STAC: variants seen among roughly 807,000 people sequenced by gnomAD.
STAC encodes the protein SH3 and cysteine-rich domain-containing protein.
In STAC, 43 loss-of-function variants were observed where a neutral mutation model predicts 48.8. That is an observed-to-expected ratio of 0.88 (90% confidence interval 0.69 to 1.14). The LOEUF (loss-of-function observed/expected upper bound fraction) is 1.14, where lower values mean the gene tolerates loss of function less well. Ranked by LOEUF, STAC falls within the 50% of genes most tolerant of loss-of-function variation. The pLI is 0.00. For synonymous variants in STAC, 193 were observed against 179.5 expected (o/e 1.07, Z -0.60); for missense variants, 497 against 504.0 (o/e 0.99, Z 0.13).
intron 4 of STAC, 26 bp downstream of exon 4, chr3:36,485,084 G>A (rs1268624637): frequency 6.3e-7 from 1 of 1,576,856 alleles, no homozygotes. Context: ...GATGGGTTGA[G>A]TTGAGTTTGA....
At chr3:36,396,875 C>T (rs1195095488) in intron 1 of STAC, among the ~76,000 whole-genome samples, 1 of 152,056 alleles carries the variant, frequency 6.6e-6, no homozygotes, top group Non-Finnish European at 1.5e-5. Context: ...CTGCTGTTCT[C>T]TCCTAGTTCT....
intron 2 of STAC, among the ~76,000 whole-genome samples, chr3:36,444,777 CT>C (rs1250577454): frequency 6.6e-6 from 1 of 151,740 alleles, no homozygotes; most frequent in African/African-American, 2.4e-5. Flanking sequence ...CTCTGGATTA[CT>C]GATCTTTTTT....
At chr3:36,415,380 C>A (rs1700296498) in intron 1 of STAC, among the ~76,000 whole-genome samples, 1 of 152,354 alleles carries the variant, frequency 6.6e-6, no homozygotes, top group African/African-American at 2.4e-5. Context: ...GGCGCCCCTC[C>A]CCCAGCCTCG....
intron 2 of STAC, among the ~76,000 whole-genome samples, chr3:36,458,693 T>C (rs1379300307): frequency 2.0e-5 from 3 of 152,190 alleles, no homozygotes; most frequent in Non-Finnish European, 1.5e-5. Context: ...TACTAATTGA[T>C]TGAAAGTGCC....
intron 1 of STAC, among the ~76,000 whole-genome samples, chr3:36,407,332 G>A (rs1048853781): frequency 2.6e-5 from 4 of 152,270 alleles, no homozygotes; most frequent in Admixed American, 1.3e-4. Flanking sequence ...TTCCTGCTGC[G>A]TAAATATGAC....
intron 1 of STAC, among the ~76,000 whole-genome samples, chr3:36,440,399 C>G (rs1696310523): frequency 1.3e-5 from 2 of 152,300 alleles, no homozygotes; most frequent in South Asian, 4.1e-4. Flanking sequence ...TCTGGTCCAT[C>G]TAGACTCCCT....
At chr3:36,457,293 C>T (rs542694949) in intron 2 of STAC, among the ~76,000 whole-genome samples, 1 of 152,314 alleles carries the variant, frequency 6.6e-6, no homozygotes, top group South Asian at 2.1e-4. Context: ...TCTTGGACAA[C>T]TGATTTACCT....
At position 36,528,842 on chromosome 3, in the gene STAC, T is replaced by C. The variant is rs577888046; in HGVS notation, c.973-6T>C. ...TTGTGGATGCATGCCTCCTTTTTCC[T>C]TTCAGGGGAAAATTCAAGACAGAAT... On this transcript the variant is annotated splice_region_variant and splice_polypyrimidine_tract_variant and intron_variant, in intron 9 of 10. Coordinates refer to ENST00000273183, the MANE Select transcript of STAC (RefSeq NM_003149.3). 6 of 1,611,878 alleles carry C rather than the reference T, an allele frequency of 3.7e-6. No homozygotes were observed. The highest frequency in any genetic ancestry group is 5.1e-6 in the Non-Finnish European group (6 of 1,178,628).
chr3:36,417,065 T>C (rs942813290), intron 1 of STAC, among the ~76,000 whole-genome samples: 1 of 152,146 alleles, frequency 6.6e-6, no homozygotes, highest in South Asian at 2.1e-4. Context: ...CTGCCCCCCA[T>C]GGCACCAGGC....
chr3:36,386,331 T>C (rs1699615241), intron 1 of STAC, among the ~76,000 whole-genome samples: 1 of 151,868 alleles, frequency 6.6e-6, no homozygotes, highest in Non-Finnish European at 1.5e-5. Context: ...CTTATTAATT[T>C]GTAGGGGTTC....
At chr3:36,452,204 A>G (rs1696703912) in intron 2 of STAC, among the ~76,000 whole-genome samples, 1 of 151,894 alleles carries the variant, frequency 6.6e-6, no homozygotes, top group Admixed American at 6.6e-5. Flanking sequence ...GCTTCCCTAT[A>G]CCCCACACAT....
At chr3:36,412,577 C>T (rs1700221403) in intron 1 of STAC, among the ~76,000 whole-genome samples, 1 of 152,130 alleles carries the variant, frequency 6.6e-6, no homozygotes, top group Admixed American at 6.6e-5. Flanking sequence ...CAAAGATATT[C>T]TTCTACATTG....
At chr3:36,385,295 A>AT (rs1699592883) in intron 1 of STAC, among the ~76,000 whole-genome samples, 1 of 152,114 alleles carries the variant, frequency 6.6e-6, no homozygotes, top group African/African-American at 2.4e-5. Context: ...GTCCCTTCTG[A>AT]TTTCATATTT....
chr3:36,435,687 C>G (rs936167364), intron 1 of STAC, among the ~76,000 whole-genome samples: 5 of 152,214 alleles, frequency 3.3e-5, no homozygotes, highest in Admixed American at 6.5e-5. Context: ...GGTTTTCACA[C>G]TCACCACTTC....
chr3:36,397,449 A>G (rs1398438550), intron 1 of STAC, among the ~76,000 whole-genome samples: 1 of 152,212 alleles, frequency 6.6e-6, no homozygotes, highest in East Asian at 1.9e-4. Context: ...AAGCTGCCAT[A>G]TTGGGCACTA....
At chr3:36,479,769 AG>A (rs1225067231) in intron 2 of STAC, among the ~76,000 whole-genome samples, 1 of 152,236 alleles carries the variant, frequency 6.6e-6, no homozygotes, top group Non-Finnish European at 1.5e-5. Flanking sequence ...TACTCTACTC[AG>A]GCATAAGGGT....
chr3:36,442,840 T>C (rs987799921), intron 1 of STAC, among the ~76,000 whole-genome samples: 2 of 149,584 alleles, frequency 1.3e-5, no homozygotes, highest in Non-Finnish European at 3.0e-5. Flanking sequence ...CCAAGCAGAC[T>C]TGAGAGTTCC....
chr3:36,537,186 T>C (rs1462825152), intron 10 of STAC, among the ~76,000 whole-genome samples: 1 of 152,172 alleles, frequency 6.6e-6, no homozygotes, highest in Non-Finnish European at 1.5e-5. Context: ...AGCAATCCCA[T>C]TACTGGGTAT....
intron 2 of STAC, among the ~76,000 whole-genome samples, chr3:36,444,640 C>G (rs1696456034): frequency 6.6e-6 from 1 of 152,218 alleles, no homozygotes; most frequent in South Asian, 2.1e-4. Context: ...ATAGTCAAGA[C>G]AGGGGCAACC....
Sources: allele counts gnomAD v4.1 joint callset (sites outside exome capture counted in the v4.1 genomes callset), GRCh38; gene constraint gnomAD v4.1.1; transcripts MANE v1.5; gene names NCBI Gene and HGNC (gene_info 2026-07-23, HGNC 2026-07-21).